LONRF1: variants seen among roughly 807,000 people sequenced by gnomAD.
LONRF1 encodes LON peptidase N-terminal domain and ring finger 1, also known as LON peptidase N-terminal domain and RING finger protein 1.
A neutral mutation model predicts 85.8 loss-of-function variants in LONRF1; 37 were observed. That is an observed-to-expected ratio of 0.43 (90% confidence interval 0.33 to 0.57). The LOEUF is 0.57. LONRF1 is among the 20% of genes least tolerant of loss of function. LONRF1 has a pLI of 0.04. For synonymous variants in LONRF1, 517 were observed against 390.1 expected (o/e 1.33, Z -3.83); for missense variants, 1,036 against 978.0 (o/e 1.06, Z -0.79).
chr8:12,738,237 G>C, intron 3 of LONRF1, 93 bp from the exon 4 acceptor site: 1 of 845,070 alleles, frequency 1.2e-6, no homozygotes, highest in East Asian at 3.0e-5. Context: ...TATGTAGAAA[G>C]TTTGTAGCAG....
rs1271069201 is a variant in LONRF1 at position 12,729,229 on chromosome 8, T to A, written c.1792A>T (p.Ser598Cys). Reference sequence around the variant, plus strand: ...AACTGTTTGGTTCCAGTCTGTATACTTCTTCGAATCATCAATCTGTATCTT... The same window carrying A: ...AACTGTTTGGTTCCAGTCTGTATACATCTTCGAATCATCAATCTGTATCTT... ...EPRYRLMIRR[S>C]IQTGTKQFGM... The change falls in exon 9 of 12, where the codon AGT (serine) becomes TGT (cysteine). Residue 598 changes from serine (S) to cysteine (C), a missense_variant. Around this residue, in one of 3 missense-constraint regions of LONRF1, gnomAD observed 265 missense variants for 301.5 expected, o/e 0.88. Transcript: ENST00000398246. The A allele has an allele frequency of 6.2e-7, 1 of 1,614,046 alleles. No individual in the cohort carries two copies. Among genetic ancestry groups the A allele is most frequent in the South Asian group, 1.1e-5 (1 of 91,084 alleles).
chr8:12,729,350 TAATTA>T lies in LONRF1; in HGVS notation c.1689-23_1689-19del. On this transcript the variant is annotated intron_variant, in intron 8 of 11. Transcript: ENST00000398246. ...TGGTCAAGCTAAGGGAAAAACAGTT[TAATTA>T]TTAGAATTCATACAAGAAAAATATT... 2 of 1,609,392 alleles carry T rather than the reference TAATTA, an allele frequency of 1.2e-6. No homozygotes were observed. The highest frequency in any genetic ancestry group is 1.7e-6 in the Non-Finnish European group (2 of 1,177,338).
chr8:12,731,280 C>T (rs1304512117), intron 8 of LONRF1, among the ~76,000 whole-genome samples: 1 of 152,128 alleles, frequency 6.6e-6, no homozygotes, highest in Admixed American at 6.5e-5. Context: ...TGGCCCTGAA[C>T]ACCCCTCTTC....
Position 12,738,016 on chromosome 8 carries a change from G to A in LONRF1, c.1092C>T (p.Leu364=), listed in dbSNP as rs141142061. The change falls in exon 4 of 12, where the codon CTC becomes CTT. Residue 364 remains leucine, a synonymous_variant. Coordinates refer to ENST00000398246, the MANE Select transcript of LONRF1 (RefSeq NM_152271.5). The part of the protein sequence containing the change: ...FHSVMEESQS[L]NEPSPKQSEE... ...GTACCTGCTTTGGGCTAGGTTCATT[G>A]AGAGACTGAGACTCTTCCATCACTG... The A allele has an allele frequency of 1.2e-6, 2 of 1,608,872 alleles. No individual in the cohort carries two copies. The highest frequency in any genetic ancestry group is 1.7e-4 in the Middle Eastern group (1 of 6,042).
intron 10 of LONRF1, 109 bp downstream of exon 10, chr8:12,728,792 G>A (rs1798418022): frequency 1.7e-6 from 2 of 1,207,058 alleles, no homozygotes. Flanking sequence ...CAGTGGTAAG[G>A]CTGTCTGATA....
At chr8:12,740,285 G>T (rs1463337251) in intron 3 of LONRF1, among the ~76,000 whole-genome samples, 2 of 152,112 alleles carry the variant, frequency 1.3e-5, no homozygotes, top group Admixed American at 6.5e-5. Context: ...TTTCATGCTG[G>T]CATATCAAAA....
chr8:12,729,186 T>A lies in LONRF1; in HGVS notation c.1835A>T (p.Asp612Val). Residue 612 changes from aspartate (D) to valine (V), a missense_variant, in exon 9 of 12, where the codon GAT becomes GTT. Around this residue, in one of 3 missense-constraint regions of LONRF1, gnomAD observed 265 missense variants for 301.5 expected, o/e 0.88. Coordinates refer to ENST00000398246, the MANE Select transcript of LONRF1 (RefSeq NM_152271.5). ...GTKQFGMCVS[D>V]TQNSFADYGC... is the part of the protein sequence containing the mutation. ...ACAAAAAGCATACCTATTTTGTGTATCACTGACACACATGCCAAACTGTTT... is the reference window on the plus strand; with the variant it reads ...ACAAAAAGCATACCTATTTTGTGTAACACTGACACACATGCCAAACTGTTT... 3.1e-6 allele frequency: 5 copies of A among 1,613,954 alleles called. No individual in the cohort carries two copies. Among genetic ancestry groups the A allele is most frequent in the Non-Finnish European group, 4.2e-6 (5 of 1,179,880 alleles).
intron 1 of LONRF1, among the ~76,000 whole-genome samples, chr8:12,750,354 T>G (rs1799330984): frequency 6.6e-6 from 1 of 152,310 alleles, no homozygotes; most frequent in Admixed American, 6.5e-5. Context: ...GTTCCAAGAC[T>G]CCCACGGATG....
intron 10 of LONRF1, chr8:12,727,420 A>T (rs553292098): frequency 1.3e-5 from 2 of 151,746 alleles, no homozygotes; most frequent in Non-Finnish European, 2.9e-5. Flanking sequence ...TTTGCCATAT[A>T]AAACAAATTT....
At chr8:12,723,625 G>A (rs1263577784) in intron 11 of LONRF1, among the ~76,000 whole-genome samples, 1 of 152,210 alleles carries the variant, frequency 6.6e-6, no homozygotes, top group Admixed American at 6.5e-5. Flanking sequence ...AGCACATTCA[G>A]CAGCACCTCT....
chr8:12,754,883 G>A lies in LONRF1; in HGVS notation c.538C>T (p.Pro180Ser). Residue 180 changes from proline to serine, a missense_variant, in exon 1 of 12, where the codon CCG becomes TCG. Pro to Ser is a moderately conservative substitution (Grantham distance 74). Transcript: ENST00000398246. ...TDAEGTAPRP[P>S]PLAAAIAASD... The stretch of plus-strand genomic sequence containing the variant: ...GCGGCGATGGCGGCGGCCAGAGGCG[G>A]CGGCCGCGGGGCGGTCCCTTCAGCA... 1 of 1,494,176 alleles carries A rather than the reference G, an allele frequency of 6.7e-7. No homozygotes were observed. Among genetic ancestry groups the A allele is most frequent in the Non-Finnish European group, 8.9e-7 (1 of 1,126,772 alleles). The allele number at this position is 1,494,176 out of a possible 1,614,324, so 92.6% of individuals were successfully genotyped here.
chr8:12,750,966 T>G (rs1175830257), intron 1 of LONRF1, among the ~76,000 whole-genome samples: 1 of 152,192 alleles, frequency 6.6e-6, no homozygotes, highest in African/African-American at 2.4e-5. Flanking sequence ...ACTTAGCATG[T>G]TTTGACTCAT....
At chr8:12,744,672 G>C (rs78104743) in intron 1 of LONRF1, among the ~76,000 whole-genome samples, 6,485 of 152,226 alleles carry the variant, frequency 0.043, 222 homozygotes, top group South Asian at 0.12. Context: ...TGAGAAAACA[G>C]AGCAGCGTAT....
At chr8:12,743,505 G>A (rs532860412) in intron 1 of LONRF1, among the ~76,000 whole-genome samples, 21 of 152,130 alleles carry the variant, frequency 1.4e-4, no homozygotes, top group African/African-American at 5.1e-4. Context: ...TTTTAGTGGA[G>A]GAAACTGTTT....
chr8:12,745,582 T>C (rs1799118600), intron 1 of LONRF1, among the ~76,000 whole-genome samples: 1 of 152,234 alleles, frequency 6.6e-6, no homozygotes, highest in Non-Finnish European at 1.5e-5. Context: ...GCTCTCTACG[T>C]GACCTTGAGG....
Position 12,725,808 on chromosome 8 carries a change from C to T in LONRF1, c.2082G>A (p.Trp694Ter). The T allele has an allele frequency of 6.2e-7, 1 of 1,613,794 alleles. No individual in the cohort carries two copies. The highest frequency in any genetic ancestry group is 8.5e-7 in the Non-Finnish European group (1 of 1,179,766). ...HDLVYSQACS[W>*]FQNLRDRFRS... is the part of the protein sequence containing the mutation. Reference sequence around the variant, plus strand: ...GAAATCTGTCTCTTAAATTCTGAAACCAGCTGCAGGCTTGAGAGTAAACCA... The same window carrying T: ...GAAATCTGTCTCTTAAATTCTGAAATCAGCTGCAGGCTTGAGAGTAAACCA... The change falls in exon 11 of 12, where the codon TGG becomes TGA. Residue 694 changes from tryptophan to a stop codon, truncating the protein, a stop_gained. Transcript: ENST00000398246. LOFTEE classifies it high-confidence loss of function.
Position 12,731,791 on chromosome 8 carries a change from C to G in LONRF1, c.1633G>C (p.Asp545His). 6.2e-7 allele frequency: 1 copy of G among 1,612,778 alleles called. No homozygotes were observed. The highest frequency in any genetic ancestry group is 8.5e-7 in the Non-Finnish European group (1 of 1,179,002). ...LEELIVKYLPDELSERKKIYD... is the reference protein window; with the variant it reads ...LEELIVKYLPHELSERKKIYD... ...ATTTTTTTTCTCTCAGACAGTTCAT[C>G]AGGCAGATACTTCACTATTAATTCT... Residue 545 changes from aspartate (D) to histidine (H), a missense_variant, in exon 8 of 12, where the codon GAT becomes CAT. Coordinates refer to ENST00000398246, the MANE Select transcript of LONRF1 (RefSeq NM_152271.5).
At chr8:12,754,489 G>T (rs1271921229) in intron 1 of LONRF1, 9 of 466,886 alleles carry the variant, frequency 1.9e-5, no homozygotes, top group African/African-American at 4.1e-5. Context: ...CGTCACAGTC[G>T]GCTCCCAGGG....
In LONRF1 at chr8:12,743,152, CA is replaced by C. The variant is rs778423231; in HGVS notation, c.840+11del. 4.7e-6 allele frequency: 7 copies of C among 1,504,852 alleles called. No individual in the cohort carries two copies. The highest frequency in any genetic ancestry group is 6.5e-6 in the Non-Finnish European group (7 of 1,081,912). The allele number at this position is 1,504,852 out of a possible 1,614,324, so 93.2% of individuals were successfully genotyped here. On this transcript the variant is annotated intron_variant, in intron 2 of 11. Transcript: ENST00000398246. ...TTTTACAATTTATGCAAACATAAAA[CA>C]GTAATTTTACCTCAGGCCAATCTGG...
Sources: gnomAD v4.1 joint callset for allele counts (sites outside exome capture counted in the v4.1 genomes callset) on GRCh38, gnomAD v4.1.1 for gene constraint, gnomAD v4.1.1 regional missense constraint, MANE v1.5 for transcripts, NCBI Gene and HGNC (gene_info 2026-07-23, HGNC 2026-07-21) for gene names.